The following MARCHF1 variants were observed in gnomAD, a reference collection of about 807,000 sequenced individuals.
MARCHF1 encodes E3 ubiquitin-protein ligase MARCHF1.
MARCHF1 carries 40 observed loss-of-function variants against 54.2 expected under a neutral mutation model. The ratio of observed to expected loss-of-function variants is 0.74; its 90% CI spans 0.57 to 0.96. The LOEUF is 0.96. MARCHF1 is among the 40% of genes least tolerant of loss of function. MARCHF1 has a pLI of 0.00. For synonymous variants in MARCHF1, 236 were observed against 236.3 expected (o/e 1.00, Z 0.01); for missense variants, 586 against 656.5 (o/e 0.89, Z 1.17).
rs187272008 is a variant in MARCHF1 at position 163,543,479 on chromosome 4, C to T, written c.1339+2117G>A. 5.9e-5 allele frequency among the ~76,000 whole-genome samples: 9 copies of T among 151,536 alleles called. No individual in the cohort carries two copies. In the East Asian group the frequency reaches 7.8e-4, roughly 13 times the overall value. ...AGAAGTGGTAGGGGATTATGCATTG[C>T]GACACGCTGAGACTTTCAAACAATC... On this transcript the variant is annotated intron_variant, in intron 9 of 9. Coordinates refer to ENST00000514618, the MANE Select transcript of MARCHF1 (RefSeq NM_001394959.1).
intron 3 of MARCHF1, among the ~76,000 whole-genome samples, chr4:163,920,724 C>T (rs958562272): frequency 8.5e-5 from 13 of 152,210 alleles, no homozygotes; most frequent in Middle Eastern, 3.4e-3. Context: ...AGCTGGGAAA[C>T]ATTTTTGCTA....
At chr4:163,644,686 C>A (rs1447753058) in intron 5 of MARCHF1, among the ~76,000 whole-genome samples, 1 of 152,138 alleles carries the variant, frequency 6.6e-6, no homozygotes, top group African/African-American at 2.4e-5. Context: ...GGTTATACAG[C>A]AGATCCCGAA....
intron 1 of MARCHF1, among the ~76,000 whole-genome samples, chr4:164,367,418 C>T (rs1730906817): frequency 6.6e-6 from 1 of 152,024 alleles, no homozygotes; most frequent in South Asian, 2.1e-4. Flanking sequence ...ATCACTTGAA[C>T]ATCTATTGAA....
chr4:164,329,292 A>C (rs931050233), intron 1 of MARCHF1, among the ~76,000 whole-genome samples: 34 of 152,182 alleles, frequency 2.2e-4, no homozygotes, highest in African/African-American at 8.2e-4. Context: ...CTTCTGCTTA[A>C]AGTGTTAGAA....
intron 7 of MARCHF1, among the ~76,000 whole-genome samples, chr4:163,603,254 T>C (rs1313045523): frequency 6.6e-6 from 1 of 152,138 alleles, no homozygotes; most frequent in Non-Finnish European, 1.5e-5. Context: ...TGCAAATTTT[T>C]CTTAGTTATT....
At position 163,801,730 on chromosome 4, in the gene MARCHF1, G is replaced by A. The variant is rs532120924; in HGVS notation, c.111+52291C>T. ...ACTAGTGAGACTTCCATCACCTTCC[G>A]TTAATTTTGCTTGTTTTAAAATTTC... On this transcript the variant is annotated intron_variant, in intron 4 of 9. Coordinates refer to ENST00000514618, the MANE Select transcript of MARCHF1 (RefSeq NM_001394959.1). 1.6e-4 allele frequency among the ~76,000 whole-genome samples: 24 copies of A among 151,968 alleles called. 1 individual carries two copies. In the South Asian group the frequency reaches 3.1e-3, roughly 20 times the overall value.
chr4:163,872,908 G>A (rs1384334200), intron 3 of MARCHF1, among the ~76,000 whole-genome samples: 1 of 152,054 alleles, frequency 6.6e-6, no homozygotes, highest in Non-Finnish European at 1.5e-5. Context: ...GCCGGGCGTG[G>A]TGGCGGGCGC....
At chr4:164,011,839 T>C (rs1053003256) in intron 2 of MARCHF1, among the ~76,000 whole-genome samples, 11 of 152,170 alleles carry the variant, frequency 7.2e-5, no homozygotes, top group Non-Finnish European at 1.6e-4. Flanking sequence ...TAAGACACTC[T>C]TGCATTGCCT....
intron 1 of MARCHF1, among the ~76,000 whole-genome samples, chr4:164,252,858 G>A (rs764764487): frequency 3.3e-5 from 5 of 152,092 alleles, no homozygotes; most frequent in Admixed American, 2.6e-4. Flanking sequence ...TATAGATTCG[G>A]AAGTTCTAAG....
intron 1 of MARCHF1, among the ~76,000 whole-genome samples, chr4:164,279,920 C>T (rs948533182): frequency 6.6e-6 from 1 of 151,722 alleles, no homozygotes; most frequent in Non-Finnish European, 1.5e-5. Context: ...CTTTACATAA[C>T]ATGAATGAAA....
At chr4:163,608,193 A>C (rs1380152913) in intron 7 of MARCHF1, among the ~76,000 whole-genome samples, 1 of 152,134 alleles carries the variant, frequency 6.6e-6, no homozygotes, top group African/African-American at 2.4e-5. Context: ...ATGCTATGGA[A>C]GTGACTGCCA....
intron 3 of MARCHF1, among the ~76,000 whole-genome samples, chr4:163,921,391 G>T (rs1360760080): frequency 6.6e-6 from 1 of 151,686 alleles, no homozygotes; most frequent in Admixed American, 6.6e-5. Context: ...AAAAAAAGAA[G>T]GTATATCTAG....
At chr4:164,348,076 G>A (rs1001719291) in intron 1 of MARCHF1, among the ~76,000 whole-genome samples, 6 of 152,084 alleles carry the variant, frequency 3.9e-5, no homozygotes, top group African/African-American at 1.4e-4. Flanking sequence ...CTTGCCTGTG[G>A]GAGGTGGTGG....
At chr4:163,595,953 A>T (rs1740754309) in intron 7 of MARCHF1, among the ~76,000 whole-genome samples, 1 of 151,050 alleles carries the variant, frequency 6.6e-6, no homozygotes, top group Admixed American at 6.6e-5. Context: ...ATTTGCCCAT[A>T]AAAAAAGTAA....
chr4:164,215,314 G>A (rs1422926085), intron 1 of MARCHF1, among the ~76,000 whole-genome samples: 2 of 152,106 alleles, frequency 1.3e-5, no homozygotes, highest in African/African-American at 2.4e-5. Flanking sequence ...CGTCTGTCAC[G>A]TGCTCTTCTG....
At chr4:164,175,800 G>C (rs1043168721) in intron 1 of MARCHF1, among the ~76,000 whole-genome samples, 2 of 152,180 alleles carry the variant, frequency 1.3e-5, no homozygotes, top group African/African-American at 2.4e-5. Context: ...CTTAGCCCCA[G>C]TAATCATGTG....
intron 1 of MARCHF1, among the ~76,000 whole-genome samples, chr4:164,305,865 C>T (rs1734682616): frequency 6.6e-6 from 1 of 152,066 alleles, no homozygotes; most frequent in Admixed American, 6.5e-5. Flanking sequence ...ACATATCACT[C>T]TGTGTCCCCA....
chr4:163,536,390 C>T (rs1200897693), intron 9 of MARCHF1, among the ~76,000 whole-genome samples: 1 of 152,132 alleles, frequency 6.6e-6, no homozygotes, highest in Non-Finnish European at 1.5e-5. Context: ...TTCCCTGCTT[C>T]TATGTGTCTA....
chr4:164,241,248 C>A (rs529072429), intron 1 of MARCHF1, among the ~76,000 whole-genome samples: 1 of 152,180 alleles, frequency 6.6e-6, no homozygotes, highest in East Asian at 1.9e-4. Flanking sequence ...TTCCCTAGGA[C>A]CTTAGATTAT....
Sources: gnomAD v4.1 joint callset for allele counts (sites outside exome capture counted in the v4.1 genomes callset) on GRCh38, gnomAD v4.1.1 for gene constraint, MANE v1.5 for transcripts, NCBI Gene and HGNC (gene_info 2026-07-23, HGNC 2026-07-21) for gene names.